The following CSF3R variants were observed in gnomAD, a reference collection of about 807,000 sequenced individuals.
CSF3R encodes the protein granulocyte colony-stimulating factor receptor.
Under a neutral mutation model 84.4 loss-of-function variants are expected in CSF3R, and 52 were observed. The observed-to-expected ratio is 0.62, with a 90% CI of 0.49 to 0.78. The LOEUF is 0.78. Ranked by LOEUF, CSF3R falls within the 30% of genes least tolerant of loss-of-function variation. The pLI is 0.00. For missense variants in CSF3R, 890 were observed against 1,055.7 expected, an observed-to-expected ratio of 0.84 and a Z score of 2.17; for synonymous variants, 384 against 429.1, an observed-to-expected ratio of 0.89 and a Z score of 1.30.
chr1:36,476,720 G>A (rs1235478143), intron 3 of CSF3R, among the ~76,000 whole-genome samples: 1 of 151,876 alleles, frequency 6.6e-6, no homozygotes, highest in Non-Finnish European at 1.5e-5. Context: ...GAGTGCAGTG[G>A]CACGATCACG....
chr1:36,466,959 T>G lies in CSF3R; in HGVS notation c.2041-132A>C, dbSNP rs1442377927. The stretch of plus-strand genomic sequence containing the variant: ...CTGGTGGAACACAAAGGGTACCACT[T>G]GCAAAGCACTAGTATGTTCCTCACA... On this transcript the variant is annotated intron_variant, in intron 16 of 16. Transcript: ENST00000373106. This position sits in a 1 kb window ranked among gnomAD's most constrained non-coding sequence, Gnocchi z 4.6. The G allele has an allele frequency of 1.9e-6, 3 of 1,598,870 alleles. No homozygotes were observed. The highest frequency in any genetic ancestry group is 2.6e-6 in the Non-Finnish European group (3 of 1,170,616).
chr1:36,479,256 G>T, intron 3 of CSF3R, 177 bp downstream of exon 3: 1 of 712,688 alleles, frequency 1.4e-6, no homozygotes, highest in East Asian at 2.7e-5. Flanking sequence ...TTGGGTGGTG[G>T]TTTGCCTGTG....
At position 36,473,423 on chromosome 1, in the gene CSF3R, T is replaced by G. The variant is rs1204008195; in HGVS notation, c.673+12A>C. 1.2e-6 allele frequency: 2 copies of G among 1,613,252 alleles called. No individual in the cohort carries two copies. Among genetic ancestry groups the G allele is most frequent in the African/African-American group, 1.3e-5 (1 of 75,066 alleles). On this transcript the variant is annotated intron_variant, in intron 6 of 16. Transcript: ENST00000373106. ...CATTTTGGGGATCCCCTCCCTCCCC[T>G]GCATCACCCACCAACATCCATGGGA...
chr1:36,475,637 G>A lies in CSF3R; in HGVS notation c.101C>T (p.Pro34Leu), dbSNP rs34362628. ...GATGGGATCCCCCAGGTGGACGATGGGGGCTGAGACACTGATGTGCCCGCA... is the reference window on the plus strand; with the variant it reads ...GATGGGATCCCCCAGGTGGACGATGAGGGCTGAGACACTGATGTGCCCGCA... ...EECGHISVSA[P>L]IVHLGDPITA... Residue 34 changes from proline (P) to leucine (L), a missense_variant, in exon 4 of 17, where the codon CCC (proline) becomes CTC (leucine). Pro to Leu is a moderately conservative substitution (Grantham distance 98). Transcript: ENST00000373106. 2.1e-5 allele frequency: 34 copies of A among 1,607,026 alleles called. 1 individual carries two copies. Among genetic ancestry groups the A allele is most frequent in the Middle Eastern group, 3.5e-4 (2 of 5,700 alleles).
chr1:36,478,010 G>A (rs1281208386), intron 3 of CSF3R, among the ~76,000 whole-genome samples: 1 of 149,338 alleles, frequency 6.7e-6, no homozygotes, highest in East Asian at 2.1e-4. Context: ...CACCCGCCTA[G>A]GCCTCCCAAA....
intron 10 of CSF3R, among the ~76,000 whole-genome samples, chr1:36,470,310 G>T (rs1650627508): frequency 6.6e-6 from 1 of 152,144 alleles, no homozygotes; most frequent in South Asian, 2.1e-4. Context: ...GCAGCCTCCC[G>T]ACTAGCTGGG....
In CSF3R at chr1:36,466,596, T is replaced by C. The variant is rs1176363865; in HGVS notation, c.2272A>G (p.Ser758Gly). The stretch of plus-strand genomic sequence containing the variant: ...TGCCCTGGCCCTGGGCTTGTGGGGC[T>C]GCCCAGCAGCTGCCCATAAAGGACC... Reference protein sequence around the residue: ...DQVLYGQLLGSPTSPGPGHYL... With the variant: ...DQVLYGQLLGGPTSPGPGHYL... The change falls in exon 17 of 17, where the codon AGC (serine) becomes GGC (glycine). Residue 758 changes from serine to glycine, a missense_variant. Physicochemically the swap from Ser to Gly is moderately conservative, Grantham distance 56. Coordinates refer to ENST00000373106, the MANE Select transcript of CSF3R (RefSeq NM_000760.4). The surrounding 1 kb of genome is among the most constrained non-coding windows in gnomAD (Gnocchi z 4.6). 1 of 1,612,860 alleles carries C rather than the reference T, an allele frequency of 6.2e-7. No homozygotes were observed. The highest frequency in any genetic ancestry group is 8.5e-7 in the Non-Finnish European group (1 of 1,179,084).
At position 36,475,630 on chromosome 1, in the gene CSF3R, G is replaced by A. The variant is rs3918011; in HGVS notation, c.108C>T (p.Val36=). The A allele has an allele frequency of 2.6e-3, 4,122 of 1,607,150 alleles. 9 individuals are homozygous for A. Among genetic ancestry groups the A allele is most frequent in the Non-Finnish European group, 3.3e-3 (3,847 of 1,174,460 alleles). The change falls in exon 4 of 17, where the codon GTC becomes GTT. Residue 36 remains valine, a synonymous_variant. Coordinates refer to ENST00000373106, the MANE Select transcript of CSF3R (RefSeq NM_000760.4). The part of the protein sequence containing the change: ...CGHISVSAPI[V]HLGDPITASC... ...AGGCTGTGATGGGATCCCCCAGGTG[G>A]ACGATGGGGGCTGAGACACTGATGT...
At chr1:36,470,612 A>G (rs778255281) in intron 10 of CSF3R, among the ~76,000 whole-genome samples, 2 of 152,252 alleles carry the variant, frequency 1.3e-5, no homozygotes, top group Non-Finnish European at 2.9e-5. Context: ...AAGATCACAC[A>G]GCTAGTAAGT....
Position 36,467,563 on chromosome 1 carries a change from G to T in CSF3R, c.1953C>A (p.Ser651Arg). The T allele has an allele frequency of 1.2e-6, 2 of 1,613,974 alleles. No homozygotes were observed. The highest frequency in any genetic ancestry group is 1.7e-6 in the Non-Finnish European group (2 of 1,179,884). Reference sequence around the variant, plus strand: ...GGTCTCTCAAAGGGACTCACTTGGGGCTGCAACAGAGCCAGGCAGTTCCAC... The same window carrying T: ...GGTCTCTCAAAGGGACTCACTTGGGTCTGCAACAGAGCCAGGCAGTTCCAC... The part of the protein sequence containing the change: ...CLCGTAWLCC[S>R]PNRKNPLWPS... Residue 651 changes from serine (S) to arginine (R), a missense_variant, in exon 15 of 17, where the codon AGC becomes AGA. Coordinates refer to ENST00000373106, the MANE Select transcript of CSF3R (RefSeq NM_000760.4). The surrounding 1 kb of genome is among the most constrained non-coding windows in gnomAD (Gnocchi z 4.1).
intron 12 of CSF3R, 110 bp from the exon 13 acceptor site, chr1:36,468,331 A>C (rs1281061749): frequency 8.6e-7 from 1 of 1,159,334 alleles, no homozygotes; most frequent in Non-Finnish European, 1.2e-6. Flanking sequence ...AAAGAGTCCA[A>C]GGGGACTCAT....
Position 36,472,840 on chromosome 1 carries a change from C to G in CSF3R, c.674-154G>C. Reference sequence around the variant, plus strand: ...GATCTCTATGTGTCTTTGTTTCTCTCTAGGTCTCTGTTTCCGCTCTTGCCC... The same window carrying G: ...GATCTCTATGTGTCTTTGTTTCTCTGTAGGTCTCTGTTTCCGCTCTTGCCC... On this transcript the variant is annotated intron_variant, in intron 6 of 16. Coordinates refer to ENST00000373106, the MANE Select transcript of CSF3R (RefSeq NM_000760.4). The surrounding 1 kb of genome is among the most constrained non-coding windows in gnomAD (Gnocchi z 5.0). 1 of 940,700 alleles carries G rather than the reference C, an allele frequency of 1.1e-6. No individual in the cohort carries two copies. Among genetic ancestry groups the G allele is most frequent in the African/African-American group, 1.7e-5 (1 of 60,194 alleles). The allele number at this position is 940,700 out of a possible 1,614,324, so 58.3% of individuals were successfully genotyped here. A position where few individuals can be genotyped will look rare whatever the true frequency, so the allele number is the denominator to read the frequency against.
intron 4 of CSF3R, among the ~76,000 whole-genome samples, chr1:36,474,327 C>A (rs1334156971): frequency 6.6e-6 from 1 of 151,398 alleles, no homozygotes; most frequent in African/African-American, 2.4e-5. Context: ...ACATGAAGTG[C>A]TCAGAACAGT....
At chr1:36,479,913 A>T in intron 2 of CSF3R, 1 of 341,064 alleles carries the variant, frequency 2.9e-6, no homozygotes, top group Non-Finnish European at 5.8e-6. Flanking sequence ...TCCTAGCAGC[A>T]GATAAGGGAC....
At chr1:36,478,765 C>G (rs1414709534) in intron 3 of CSF3R, 1 of 163,290 alleles carries the variant, frequency 6.1e-6, no homozygotes, top group Non-Finnish European at 1.3e-5. Flanking sequence ...GCGGGAGGAT[C>G]ACTTGAGCCC....
chr1:36,482,780 C>G (rs1178076798), intron 1 of CSF3R, 31 bp downstream of exon 1: 3 of 152,446 alleles, frequency 2.0e-5, no homozygotes, highest in African/African-American at 7.2e-5. Flanking sequence ...AAGCCCAAGG[C>G]TCAGCCCCTC....
chr1:36,472,366 A>T lies in CSF3R; in HGVS notation c.869T>A (p.Leu290His), dbSNP rs1205870930. The change falls in exon 8 of 17, where the codon CTT (leucine) becomes CAT (histidine). Residue 290 changes from leucine (L) to histidine (H), a missense_variant. Coordinates refer to ENST00000373106, the MANE Select transcript of CSF3R (RefSeq NM_000760.4). This position sits in a 1 kb window ranked among gnomAD's most constrained non-coding sequence, Gnocchi z 5.0. The part of the protein sequence containing the change: ...ALVGPLPLEA[L>H]QYELCGLLPA... ...GAGGAGCCCGCAGAGCTCATACTGA[A>T]GGGCCTCCAAGGGGAGGGGGCCCAC... is the stretch of plus-strand genomic sequence containing the variant. The T allele has an allele frequency of 6.2e-7, 1 of 1,614,064 alleles. No individual in the cohort carries two copies. Among genetic ancestry groups the T allele is most frequent in the South Asian group, 1.1e-5 (1 of 91,084 alleles).
Position 36,467,012 on chromosome 1 carries a change from CAG to C in CSF3R, c.2041-187_2041-186del. 1.4e-6 allele frequency: 2 copies of C among 1,442,430 alleles called. No individual in the cohort carries two copies. Among genetic ancestry groups the C allele is most frequent in the East Asian group, 4.8e-5 (2 of 42,088 alleles). 89.4% of individuals were successfully genotyped at this position (1,442,430 alleles called of 1,614,324 possible). ...TGCCTGACACATGCCATGCACCGTTCAGACTCAGCATGGTCAGTTTTTCCATA... is the reference window on the plus strand; with the variant it reads ...TGCCTGACACATGCCATGCACCGTTCACTCAGCATGGTCAGTTTTTCCATA... On this transcript the variant is annotated intron_variant, in intron 16 of 16. Transcript: ENST00000373106. The surrounding 1 kb of genome is among the most constrained non-coding windows in gnomAD (Gnocchi z 4.1).
At position 36,472,494 on chromosome 1, in the gene CSF3R, C is replaced by T. The variant is rs371127282; in HGVS notation, c.843+23G>A. The T allele has an allele frequency of 1.7e-5, 28 of 1,614,040 alleles. No homozygotes were observed. The African/African-American group carries it at 3.1e-4, about 18-fold the overall frequency. ...CCCCCTGCCCCCACCACCTCAGGCT[C>T]TCCAGGTTGCCCTCTGCCTCACCAG... On this transcript the variant is annotated intron_variant, in intron 7 of 16. Transcript: ENST00000373106. The surrounding 1 kb of genome is among the most constrained non-coding windows in gnomAD (Gnocchi z 5.0).
Sources: allele counts gnomAD v4.1 joint callset (sites outside exome capture counted in the v4.1 genomes callset), GRCh38; gene constraint gnomAD v4.1.1; non-coding constraint Gnocchi (gnomAD v3.1); transcripts MANE v1.5; gene names NCBI Gene and HGNC (gene_info 2026-07-23, HGNC 2026-07-21).